Variants in DOCK1 observed in about 807,000 individuals in gnomAD.
DOCK1 encodes the protein dedicator of cytokinesis 1.
DOCK1 carries 138 observed loss-of-function variants against 262.7 expected under a neutral mutation model. That is an observed-to-expected ratio of 0.53 (90% CI 0.46 to 0.61). The LOEUF is 0.61. Among genes scored for constraint, DOCK1 ranks in the 20% least tolerant of loss-of-function variants. DOCK1 has a pLI of 0.00. For synonymous variants in DOCK1, 866 were observed against 867.4 expected, an observed-to-expected ratio of 1.00 and a Z score of 0.03; for missense variants, 1,908 against 2,370.7, an observed-to-expected ratio of 0.80 and a Z score of 4.05.
At chr10:126,945,901 A>C (rs931830707) in intron 1 of DOCK1, among the ~76,000 whole-genome samples, 1 of 152,164 alleles carries the variant, frequency 6.6e-6, no homozygotes, top group African/African-American at 2.4e-5. Flanking sequence ...TGATTGCCGC[A>C]GTGCTTTATT....
intron 46 of DOCK1, among the ~76,000 whole-genome samples, chr10:127,420,104 G>A (rs76596554): frequency 0.046 from 7,021 of 152,274 alleles, 491 homozygotes; most frequent in African/African-American, 0.16. Flanking sequence ...CAGGAAAGGC[G>A]CTCGGGCCAG....
At chr10:127,362,474 C>A (rs2064516452) in intron 33 of DOCK1, among the ~76,000 whole-genome samples, 2 of 152,156 alleles carry the variant, frequency 1.3e-5, no homozygotes, top group Admixed American at 1.3e-4. Context: ...CACATTGCAC[C>A]CTGGATAAAA....
rs2136179976 is a variant in DOCK1, at chr10:127,100,637, A to G, written c.2446-5594A>G. Reference sequence around the variant, plus strand: ...TATGTGGAGGGACCCCGAGGAACCCACAGGCAAGGGGCTGGGGGAGCAGGG... The same window carrying G: ...TATGTGGAGGGACCCCGAGGAACCCGCAGGCAAGGGGCTGGGGGAGCAGGG... On this transcript the variant is annotated intron_variant, in intron 23 of 51. Coordinates refer to ENST00000623213, the MANE Select transcript of DOCK1 (RefSeq NM_001290223.2). This position sits in a 1 kb window ranked among gnomAD's most constrained non-coding sequence, Gnocchi z 5.5. Among the ~76,000 whole-genome samples the G allele has an allele frequency of 6.6e-6, 1 of 152,154 alleles. No individual in the cohort carries two copies. The highest frequency in any genetic ancestry group is 1.5e-5 in the Non-Finnish European group (1 of 67,974).
At chr10:127,350,300 C>T (rs530003494) in intron 31 of DOCK1, among the ~76,000 whole-genome samples, 956 of 90,398 alleles carry the variant, frequency 0.011, 16 homozygotes, top group African/African-American at 0.05. Context: ...CCTCTGCTCA[C>T]GGTGCACCCC....
intron 27 of DOCK1, among the ~76,000 whole-genome samples, chr10:127,245,090 G>T (rs987741308): frequency 6.6e-6 from 1 of 152,136 alleles, no homozygotes. Context: ...TATGCTGCAG[G>T]GTTCTGCTGT....
At chr10:127,121,303 G>T (rs190024398) in intron 25 of DOCK1, among the ~76,000 whole-genome samples, 177 of 149,900 alleles carry the variant, frequency 1.2e-3, no homozygotes, top group Non-Finnish European at 1.9e-3. Flanking sequence ...GGGACTATCA[G>T]TGCCAAACCT....
intron 40 of DOCK1, among the ~76,000 whole-genome samples, chr10:127,408,198 C>A (rs1345968125): frequency 6.6e-6 from 1 of 152,170 alleles, no homozygotes; most frequent in Admixed American, 6.5e-5. Context: ...CTCCCCTCCC[C>A]GCCCCGGACT....
At chr10:127,220,566 A>T (rs2058390926) in intron 27 of DOCK1, among the ~76,000 whole-genome samples, 1 of 152,080 alleles carries the variant, frequency 6.6e-6, no homozygotes, top group African/African-American at 2.4e-5. Flanking sequence ...AGTGTCCTGG[A>T]TTTTGTCTTG....
chr10:126,945,234 C>T (rs2035303846), intron 1 of DOCK1, among the ~76,000 whole-genome samples: 1 of 152,064 alleles, frequency 6.6e-6, no homozygotes, highest in South Asian at 2.1e-4. Context: ...GGGACAGAGT[C>T]ATTTCAGGGT....
chr10:127,377,968 C>T (rs757439654), intron 35 of DOCK1, among the ~76,000 whole-genome samples: 6 of 151,674 alleles, frequency 4.0e-5, no homozygotes, highest in African/African-American at 4.8e-5. Flanking sequence ...CCACCTAAGT[C>T]CCCAGGACAT....
chr10:127,075,227 G>T (rs1439026121), intron 23 of DOCK1, among the ~76,000 whole-genome samples: 1 of 147,304 alleles, frequency 6.8e-6, no homozygotes. Flanking sequence ...GGGAAATTAG[G>T]TGGCCATCAA....
intron 27 of DOCK1, among the ~76,000 whole-genome samples, chr10:127,210,208 A>G (rs61874054): frequency 0.016 from 2,372 of 152,258 alleles, 18 homozygotes; most frequent in Non-Finnish European, 0.024. Flanking sequence ...TATGGAAACC[A>G]CTGTAAAGAC....
At chr10:127,393,065 C>T (rs903328758) in intron 38 of DOCK1, among the ~76,000 whole-genome samples, 6 of 152,174 alleles carry the variant, frequency 3.9e-5, no homozygotes, top group African/African-American at 1.4e-4. Context: ...TGACTGAGAG[C>T]GCCACGTGCA....
chr10:126,926,950 C>T (rs894752384), intron 1 of DOCK1, among the ~76,000 whole-genome samples: 1 of 152,132 alleles, frequency 6.6e-6, no homozygotes, highest in Non-Finnish European at 1.5e-5. Flanking sequence ...GTGTGGCAGC[C>T]CCGGGATACT....
intron 12 of DOCK1, among the ~76,000 whole-genome samples, chr10:127,017,054 C>CACACACACAG (rs1227509108): frequency 2.1e-5 from 3 of 142,704 alleles, no homozygotes; most frequent in African/African-American, 8.3e-5. Flanking sequence ...CACACACACA[C>CACACACACAG]ACACAGATGC....
At chr10:126,915,325 G>T (rs1277513376) in intron 1 of DOCK1, among the ~76,000 whole-genome samples, 1 of 151,684 alleles carries the variant, frequency 6.6e-6, no homozygotes, top group Non-Finnish European at 1.5e-5. Flanking sequence ...TTTCCTTGGG[G>T]TGTATTTTGC....
intron 23 of DOCK1, 65 bp from the exon 24 acceptor site, chr10:127,106,166 T>C (rs2048516619): frequency 6.7e-7 from 1 of 1,498,704 alleles, no homozygotes; most frequent in Non-Finnish European, 9.1e-7. Context: ...TCATAAGGAT[T>C]ACAAATTGGT....
intron 29 of DOCK1, among the ~76,000 whole-genome samples, chr10:127,262,085 T>C (rs2060180843): frequency 6.7e-6 from 1 of 149,728 alleles, no homozygotes; most frequent in Non-Finnish European, 1.5e-5. Flanking sequence ...TGGGTGTGTG[T>C]GTGTACCCGT....
chr10:127,413,975 A>C (rs1337376386), intron 43 of DOCK1, among the ~76,000 whole-genome samples: 1 of 151,634 alleles, frequency 6.6e-6, no homozygotes, highest in East Asian at 1.9e-4. Context: ...GCAGTGGTGT[A>C]ATGTCAGCTC....
Sources: allele counts gnomAD v4.1 joint callset (sites outside exome capture counted in the v4.1 genomes callset), GRCh38; gene constraint gnomAD v4.1.1; non-coding constraint Gnocchi (gnomAD v3.1); transcripts MANE v1.5; gene names NCBI Gene and HGNC (gene_info 2026-07-23, HGNC 2026-07-21).